The following LRRC3B variants were observed in gnomAD, a reference collection of about 807,000 sequenced individuals.
The protein encoded by LRRC3B is leucine-rich repeat-containing protein 3B.
In LRRC3B, 2 loss-of-function variants were observed where a neutral mutation model predicts 12.8. That is an observed-to-expected ratio of 0.16 (90% CI 0.06 to 0.49). LRRC3B has a LOEUF of 0.49. LRRC3B is among the 20% of genes least tolerant of loss of function. LRRC3B has a pLI of 0.96. For missense variants in LRRC3B, 189 were observed against 319.4 expected (o/e 0.59, Z 3.11); for synonymous variants, 132 against 122.0 (o/e 1.08, Z -0.54).
intron 1 of LRRC3B, among the ~76,000 whole-genome samples, chr3:26,667,921 T>G (rs1359956441): frequency 6.6e-6 from 1 of 151,854 alleles, no homozygotes; most frequent in Non-Finnish European, 1.5e-5. Flanking sequence ...TTATTTTATT[T>G]TATTTTTTTA....
intron 1 of LRRC3B, among the ~76,000 whole-genome samples, chr3:26,657,199 TC>T (rs1467073273): frequency 3.0e-4 from 46 of 152,282 alleles, no homozygotes; most frequent in African/African-American, 9.4e-4. Context: ...TCCCAGCTTT[TC>T]CCTGAATGAA....
intron 1 of LRRC3B, chr3:26,624,697 G>A (rs981046401): frequency 6.6e-6 from 1 of 152,410 alleles, no homozygotes; most frequent in African/African-American, 2.4e-5. Flanking sequence ...TGTGGGCCTC[G>A]GGTGAGGGGA....
chr3:26,659,761 C>A (rs958622375), intron 1 of LRRC3B, among the ~76,000 whole-genome samples: 9 of 152,136 alleles, frequency 5.9e-5, no homozygotes, highest in African/African-American at 2.2e-4. Context: ...AGGCTAAAAA[C>A]CAATGGAAGA....
At chr3:26,626,712 A>G (rs1387872472) in intron 1 of LRRC3B, among the ~76,000 whole-genome samples, 2 of 152,242 alleles carry the variant, frequency 1.3e-5, no homozygotes, top group Non-Finnish European at 1.5e-5. Context: ...TATATCATAT[A>G]TAATGAATAA....
chr3:26,686,297 T>C (rs547731166), intron 1 of LRRC3B, among the ~76,000 whole-genome samples: 1 of 152,196 alleles, frequency 6.6e-6, no homozygotes, highest in Non-Finnish European at 1.5e-5. Flanking sequence ...GCCAGGATTG[T>C]CTCGATCTCC....
intron 1 of LRRC3B, among the ~76,000 whole-genome samples, chr3:26,642,435 G>C (rs1699048950): frequency 6.6e-6 from 1 of 152,276 alleles, no homozygotes; most frequent in South Asian, 2.1e-4. Context: ...CTTCAGGAAA[G>C]GAGAAGAGGA....
At chr3:26,641,691 G>A (rs1348843621) in intron 1 of LRRC3B, among the ~76,000 whole-genome samples, 1 of 152,052 alleles carries the variant, frequency 6.6e-6, no homozygotes. Flanking sequence ...TGACCTTGAG[G>A]AGTTTTATCC....
chr3:26,666,936 C>G (rs528397140), intron 1 of LRRC3B, among the ~76,000 whole-genome samples: 3 of 152,242 alleles, frequency 2.0e-5, no homozygotes, highest in African/African-American at 7.2e-5. Context: ...ACAACACTTT[C>G]ATCAAATGTA....
At chr3:26,684,195 T>C (rs1197920377) in intron 1 of LRRC3B, among the ~76,000 whole-genome samples, 1 of 152,218 alleles carries the variant, frequency 6.6e-6, no homozygotes, top group Non-Finnish European at 1.5e-5. Flanking sequence ...TCACAAAGCT[T>C]TGTGCTTTCT....
intron 1 of LRRC3B, among the ~76,000 whole-genome samples, chr3:26,664,185 G>T (rs1699551474): frequency 6.6e-6 from 1 of 151,960 alleles, no homozygotes; most frequent in Non-Finnish European, 1.5e-5. Flanking sequence ...CCCATGTTTT[G>T]GTCCATGAGT....
At chr3:26,666,246 A>G (rs1007307673) in intron 1 of LRRC3B, among the ~76,000 whole-genome samples, 1 of 152,186 alleles carries the variant, frequency 6.6e-6, no homozygotes, top group Non-Finnish European at 1.5e-5. Context: ...CGCAAGGAAA[A>G]GGTGAAGACA....
intron 1 of LRRC3B, among the ~76,000 whole-genome samples, chr3:26,704,918 T>C (rs1316891595): frequency 6.6e-6 from 1 of 151,734 alleles, no homozygotes; most frequent in Non-Finnish European, 1.5e-5. Context: ...CCTGTTTTGC[T>C]ATCTATTTCC....
chr3:26,628,490 A>T lies in LRRC3B; in HGVS notation c.-161+5253A>T, dbSNP rs539893323. 1.3e-3 allele frequency among the ~76,000 whole-genome samples: 204 copies of T among 151,260 alleles called. 1 individual carries two copies. The highest frequency in any genetic ancestry group is 3.4e-3 in the African/African-American group (142 of 41,422). ...TACCCTTATTGATTTTATTTAAAAA[A>T]ATATAAAATATCTTAATCTATATTT... On this transcript the variant is annotated intron_variant, in intron 1 of 1. Coordinates refer to ENST00000396641, the Ensembl canonical transcript of LRRC3B.
chr3:26,686,660 C>CTATT (rs1700095010), intron 1 of LRRC3B, among the ~76,000 whole-genome samples: 1 of 152,166 alleles, frequency 6.6e-6, no homozygotes, highest in Admixed American at 6.5e-5. Context: ...AGATTAGTGA[C>CTATT]TATTAACTGT....
At chr3:26,686,181 G>A (rs372981015) in intron 1 of LRRC3B, among the ~76,000 whole-genome samples, 5 of 152,060 alleles carry the variant, frequency 3.3e-5, no homozygotes, top group African/African-American at 4.8e-5. Context: ...CCGGGTTCAC[G>A]CCATTCTCCT....
chr3:26,707,057 C>A (rs1182543189), intron 1 of LRRC3B, among the ~76,000 whole-genome samples: 1 of 151,962 alleles, frequency 6.6e-6, no homozygotes, highest in Non-Finnish European at 1.5e-5. Context: ...ACTTTTACTA[C>A]CAATTTCGTA....
intron 1 of LRRC3B, among the ~76,000 whole-genome samples, chr3:26,630,542 T>C (rs1425627763): frequency 6.6e-6 from 1 of 152,164 alleles, no homozygotes; most frequent in Non-Finnish European, 1.5e-5. Flanking sequence ...GAAGTAGGAA[T>C]GGGCATAAAT....
At chr3:26,673,506 T>C (rs1414820771) in intron 1 of LRRC3B, among the ~76,000 whole-genome samples, 2 of 152,250 alleles carry the variant, frequency 1.3e-5, no homozygotes, top group Non-Finnish European at 2.9e-5. Flanking sequence ...TAGAAAATTA[T>C]GCAGTGCAAT....
intron 1 of LRRC3B, among the ~76,000 whole-genome samples, chr3:26,681,022 C>T (rs1463208605): frequency 6.6e-6 from 1 of 152,072 alleles, no homozygotes; most frequent in Non-Finnish European, 1.5e-5. Flanking sequence ...CACTTATATA[C>T]TACAAAAGAC....
Sources: allele counts gnomAD v4.1 joint callset (sites outside exome capture counted in the v4.1 genomes callset), GRCh38; gene constraint gnomAD v4.1.1; transcripts MANE v1.5; gene names NCBI Gene and HGNC (gene_info 2026-07-23, HGNC 2026-07-21).